LRP2BP: variants seen among roughly 807,000 people sequenced by gnomAD.
LRP2BP encodes the protein LRP2 binding protein.
Under a neutral mutation model 45.2 loss-of-function variants are expected in LRP2BP, and 38 were observed. The observed-to-expected ratio is 0.84, with a 90% CI of 0.65 to 1.10. LRP2BP has a LOEUF of 1.10. LRP2BP is among the 50% of genes least tolerant of loss of function. The pLI, the probability that LRP2BP is intolerant of heterozygous loss-of-function variation, is 0.00. For synonymous variants in LRP2BP, 153 were observed against 153.9 expected (o/e 0.99, Z 0.04); for missense variants, 385 against 418.9 (o/e 0.92, Z 0.71).
At chr4:185,388,453 C>G (rs1488698343) in intron 1 of LRP2BP, among the ~76,000 whole-genome samples, 1 of 152,096 alleles carries the variant, frequency 6.6e-6, no homozygotes, top group Non-Finnish European at 1.5e-5. Context: ...ATCTGCCTAC[C>G]TACCTACCTA....
intron 3 of LRP2BP, 81 bp downstream of exon 3, chr4:185,376,828 A>G: frequency 2.1e-6 from 2 of 950,628 alleles, no homozygotes; most frequent in Middle Eastern, 2.9e-4. Context: ...TAACACAGTA[A>G]GAAACTCTAC....
rs1294684457 is a variant in LRP2BP, at chr4:185,376,989, C to G, written c.136G>C (p.Ala46Pro). The change falls in exon 3 of 9, where the codon GCA becomes CCA. Residue 46 changes from alanine to proline, a missense_variant. Ala to Pro is a conservative substitution (Grantham distance 27). Transcript: ENST00000505916. ...DYTHANLVDKALQLLKERILK... is the reference protein window; with the variant it reads ...DYTHANLVDKPLQLLKERILK... The stretch of plus-strand genomic sequence containing the variant: ...ATTCTTTCCTTCAAGAGCTGCAATG[C>G]CTTATCCACCAAATTAGCATGGGTG... 22 of 1,613,488 alleles carry G rather than the reference C, an allele frequency of 1.4e-5. No homozygotes were observed. The highest frequency in any genetic ancestry group is 1.9e-5 in the Non-Finnish European group (22 of 1,179,544).
At chr4:185,396,730 G>C (rs1023257451), upstream of LRP2BP, 12 of 617,248 alleles carry the variant, frequency 1.9e-5, no homozygotes, top group South Asian at 3.7e-5. Flanking sequence ...GACAGGGTCC[G>C]GGTCGTTGAG....
At chr4:185,373,630 T>G (rs2095423658) in intron 6 of LRP2BP, among the ~76,000 whole-genome samples, 1 of 152,368 alleles carries the variant, frequency 6.6e-6, no homozygotes, top group South Asian at 2.1e-4. Context: ...TTAGTTGTTA[T>G]GTGTCTCTTG....
rs774730379 is a variant in LRP2BP, at chr4:185,372,964, T to C, written c.695A>G (p.Gln232Arg). ...GIRQDTEAAL[Q>R]CLREAAERGN... ...GCGTTCTGCTGCTTCTCTTAAGCAC[T>C]GCAGGGCAGCTTCCGTATCCTGCCG... is the stretch of plus-strand genomic sequence containing the variant. The change falls in exon 7 of 9, where the codon CAG becomes CGG. Residue 232 changes from glutamine to arginine, a missense_variant. Gln to Arg is a conservative substitution (Grantham distance 43). Transcript: ENST00000505916. The C allele has an allele frequency of 6.2e-7, 1 of 1,614,074 alleles. No homozygotes were observed. The highest frequency in any genetic ancestry group is 8.5e-7 in the Non-Finnish European group (1 of 1,179,900).
intron 6 of LRP2BP, 116 bp from the exon 7 acceptor site, chr4:185,373,195 G>A: frequency 1.0e-6 from 1 of 969,154 alleles, no homozygotes; most frequent in Non-Finnish European, 1.5e-6. Context: ...TCATCTCTAG[G>A]AAAGAGCGGT....
At chr4:185,374,926 A>G (rs1205964906) in intron 4 of LRP2BP, among the ~76,000 whole-genome samples, 2 of 152,144 alleles carry the variant, frequency 1.3e-5, no homozygotes, top group African/African-American at 4.8e-5. Flanking sequence ...CTGTGTGCTC[A>G]TAGTTTGTAT....
intron 1 of LRP2BP, among the ~76,000 whole-genome samples, chr4:185,387,152 T>C (rs1254301601): frequency 1.4e-5 from 2 of 145,000 alleles, no homozygotes; most frequent in Admixed American, 1.4e-4. Context: ...GCCTGAGGCA[T>C]GAGACGAGGG....
At chr4:185,377,064 T>G in intron 2 of LRP2BP, 46 bp from the exon 3 acceptor site, 11 of 1,183,486 alleles carry the variant, frequency 9.3e-6, no homozygotes, top group Non-Finnish European at 1.3e-5. Flanking sequence ...ACAATATGAA[T>G]TTTCTCTCTT....
In LRP2BP at chr4:185,372,941, G is replaced by T; in HGVS notation, c.718C>A (p.Arg240Ser). 1 of 1,613,896 alleles carries T rather than the reference G, an allele frequency of 6.2e-7. No homozygotes were observed. ...ALQCLREAAERGNVYAQGNLV... is the reference protein window; with the variant it reads ...ALQCLREAAESGNVYAQGNLV... The stretch of plus-strand genomic sequence containing the variant: ...TTCCCTTGAGCATAGACGTTTCCGC[G>T]TTCTGCTGCTTCTCTTAAGCACTGC... Residue 240 changes from arginine (R) to serine (S), a missense_variant, in exon 7 of 9, where the codon CGC (arginine) becomes AGC (serine). Arg to Ser is a moderately radical substitution (Grantham distance 110, BLOSUM62 -1). Coordinates refer to ENST00000505916, the MANE Select transcript of LRP2BP (RefSeq NM_001377440.1).
rs2095435129 is a variant in LRP2BP, at chr4:185,375,714, CT to C, written c.228del (p.Glu77LysfsTer3). ...GQLYFEEGWY[E>X]EALEQFEEIK... ...ATTTCTTCAAACTGTTCTAATGCTTCTTCATACCATCCCTAGAAGCACCCAG... is the reference window on the plus strand; with the variant it reads ...ATTTCTTCAAACTGTTCTAATGCTTCTCATACCATCCCTAGAAGCACCCAG... On this transcript the variant is annotated frameshift_variant, in exon 4 of 9. Coordinates refer to ENST00000505916, the MANE Select transcript of LRP2BP (RefSeq NM_001377440.1). LOFTEE classifies it high-confidence loss of function. 6.2e-7 allele frequency: 1 copy of C among 1,604,998 alleles called. No individual in the cohort carries two copies. Among genetic ancestry groups the C allele is most frequent in the Non-Finnish European group, 8.5e-7 (1 of 1,173,886 alleles).
intron 4 of LRP2BP, among the ~76,000 whole-genome samples, chr4:185,374,734 C>T (rs892978141): frequency 6.6e-6 from 1 of 152,154 alleles, no homozygotes; most frequent in South Asian, 2.1e-4. Flanking sequence ...TGATTTAAGT[C>T]TCGATATGGG....
chr4:185,371,540 T>TAAAAAA (rs11288148), intron 7 of LRP2BP, among the ~76,000 whole-genome samples: 1 of 78,302 alleles, frequency 1.3e-5, no homozygotes, highest in Admixed American at 1.6e-4. Context: ...AGACTCCGTC[T>TAAAAAA]AAAAAAAAAA....
In LRP2BP at chr4:185,388,162, G is replaced by A. The variant is rs186740875; in HGVS notation, c.-22+6617C>T. On this transcript the variant is annotated intron_variant, in intron 1 of 8. Coordinates refer to ENST00000505916, the MANE Select transcript of LRP2BP (RefSeq NM_001377440.1). Reference sequence around the variant, plus strand: ...CCACGGCGTGTAAGGCAGAGATTCGGACTCAGAAATTAGGGAGGTGGCTTC... The same window carrying A: ...CCACGGCGTGTAAGGCAGAGATTCGAACTCAGAAATTAGGGAGGTGGCTTC... Among the ~76,000 whole-genome samples, 134 of 152,256 alleles carry A rather than the reference G, an allele frequency of 8.8e-4. 1 individual carries two copies. Among genetic ancestry groups the A allele is most frequent in the African/African-American group, 3.2e-3 (132 of 41,542 alleles).
At chr4:185,384,766 G>C (rs2095465585) in intron 1 of LRP2BP, among the ~76,000 whole-genome samples, 1 of 151,094 alleles carries the variant, frequency 6.6e-6, no homozygotes, top group Non-Finnish European at 1.5e-5. Context: ...TGTTCATATA[G>C]TAATTGGAAA....
chr4:185,378,598 C>G (rs1254230451), intron 1 of LRP2BP: 15 of 996,298 alleles, frequency 1.5e-5, no homozygotes, highest in Non-Finnish European at 1.8e-5. Flanking sequence ...GTAACTGACA[C>G]TCATCGGACG....
chr4:185,365,410 A>C lies in LRP2BP; in HGVS notation c.*1770T>G, dbSNP rs2095383318. 6.6e-6 allele frequency: 1 copy of C among 151,360 alleles called. No homozygotes were observed. Among genetic ancestry groups the C allele is most frequent in the African/African-American group, 2.4e-5 (1 of 41,056 alleles). 9.4% of individuals were successfully genotyped at this position (151,360 alleles called of 1,614,324 possible). A position where few individuals can be genotyped will look rare whatever the true frequency, so the allele number is the denominator to read the frequency against. On this transcript the variant is annotated 3_prime_UTR_variant, in exon 9 of 9. Coordinates refer to ENST00000505916, the MANE Select transcript of LRP2BP (RefSeq NM_001377440.1). ...GCTCTTGTCACCGAGGCTGGAGTGC[A>C]ATTTGCGCGATCTCAGCTCACTGCA...
At chr4:185,396,757 C>A, upstream of LRP2BP, 1 of 711,248 alleles carries the variant, frequency 1.4e-6, no homozygotes, top group Non-Finnish European at 2.5e-6. Context: ...GCTGCTCGGG[C>A]GTAACCGGAG....
intron 1 of LRP2BP, chr4:185,379,025 G>C (rs1169125804): frequency 3.1e-6 from 3 of 964,000 alleles, no homozygotes; most frequent in Middle Eastern, 5.3e-4. Flanking sequence ...TTGCTTAAGT[G>C]AGAATGAAGT....
Sources: gnomAD v4.1 joint callset for allele counts (sites outside exome capture counted in the v4.1 genomes callset) on GRCh38, gnomAD v4.1.1 for gene constraint, MANE v1.5 for transcripts, NCBI Gene and HGNC (gene_info 2026-07-23, HGNC 2026-07-21) for gene names.